SLC6A16: variants seen among roughly 807,000 people sequenced by gnomAD.
SLC6A16 encodes the protein solute carrier family 6 member 16.
A neutral mutation model predicts 65.4 loss-of-function variants in SLC6A16; 54 were observed. The observed-to-expected ratio is 0.83, with a 90% CI of 0.66 to 1.04. SLC6A16 has a LOEUF of 1.04. Ranked by LOEUF, SLC6A16 falls within the 50% of genes least tolerant of loss-of-function variation. The probability of loss-of-function intolerance (pLI) is 0.00; values close to 1 mark genes in which losing one functional copy is unlikely to be tolerated. For synonymous variants in SLC6A16, 330 were observed against 346.5 expected (o/e 0.95, Z 0.53); for missense variants, 816 against 914.0 (o/e 0.89, Z 1.38).
the SLC6A16 span, chr19:49,339,260 G>T: frequency 9.7e-6 from 14 of 1,437,802 alleles, no homozygotes; most frequent in Admixed American, 3.5e-5. The surrounding 1 kb of genome is among the most constrained non-coding windows in gnomAD (Gnocchi z 4.5). Context: ...GGGTTGGCCT[G>T]AAAAGAACGC....
At chr19:49,295,507 T>G (rs556982283) in intron 7 of SLC6A16, among the ~76,000 whole-genome samples, 2 of 152,224 alleles carry the variant, frequency 1.3e-5, no homozygotes, top group African/African-American at 2.4e-5. Flanking sequence ...TACTATATGC[T>G]ATTCCAGTAA....
the SLC6A16 span, chr19:49,338,978 G>A: frequency 4.0e-6 from 6 of 1,495,022 alleles, no homozygotes; most frequent in East Asian, 1.4e-4. This position sits in a 1 kb window ranked among gnomAD's most constrained non-coding sequence, Gnocchi z 5.0. Flanking sequence ...AATGGGGCGG[G>A]GCCTGCGGGA....
chr19:49,336,860 C>T, the SLC6A16 span: 1 of 1,602,672 alleles, frequency 6.2e-7, no homozygotes, highest in Non-Finnish European at 8.5e-7. Context: ...AATGGGGCTG[C>T]CTGGAGCTGT....
At chr19:49,317,372 T>A (rs59430950) in intron 1 of SLC6A16, among the ~76,000 whole-genome samples, 3,384 of 151,516 alleles carry the variant, frequency 0.022, 126 homozygotes, top group African/African-American at 0.071. Context: ...AAAATAAAAT[T>A]AATTAATTAA....
chr19:49,340,152 T>G, the SLC6A16 span: 3 of 1,140,198 alleles, frequency 2.6e-6, no homozygotes, highest in Non-Finnish European at 3.7e-6. Flanking sequence ...TCCCGCCCAA[T>G]TCACGGCCCC....
intron 7 of SLC6A16, among the ~76,000 whole-genome samples, chr19:49,296,714 C>T (rs955149204): frequency 5.3e-5 from 8 of 152,016 alleles, no homozygotes; most frequent in African/African-American, 9.7e-5. Flanking sequence ...CTTGGCCAGG[C>T]GCGGTGGCTC....
At chr19:49,337,479 G>C in the SLC6A16 span, 2 of 611,726 alleles carry the variant, frequency 3.3e-6, no homozygotes, top group Non-Finnish European at 5.4e-6. Flanking sequence ...AAAAAAATCC[G>C]GGTGTGATGG....
At chr19:49,339,013 G>A in the SLC6A16 span, 1 of 1,201,732 alleles carries the variant, frequency 8.3e-7, no homozygotes, top group Non-Finnish European at 1.2e-6. The surrounding 1 kb of genome is among the most constrained non-coding windows in gnomAD (Gnocchi z 4.5). Flanking sequence ...AGTGAGTAGC[G>A]GCCTGAGAAA....
At chr19:49,337,607 T>G in the SLC6A16 span, 1 of 1,452,412 alleles carries the variant, frequency 6.9e-7, no homozygotes, top group Non-Finnish European at 9.1e-7. Context: ...AGACCCTGTC[T>G]CAAAAAATAA....
intron 1 of SLC6A16, among the ~76,000 whole-genome samples, chr19:49,313,431 G>C (rs961327356): frequency 6.6e-6 from 1 of 151,974 alleles, no homozygotes; most frequent in Non-Finnish European, 1.5e-5. Flanking sequence ...TCCAGAGTAG[G>C]TGGCATTACA....
chr19:49,302,125 C>T (rs1274500739), intron 7 of SLC6A16, among the ~76,000 whole-genome samples: 1 of 152,204 alleles, frequency 6.6e-6, no homozygotes, highest in African/African-American at 2.4e-5. Flanking sequence ...CCTTAGTCAA[C>T]CCCAGCCCCT....
At chr19:49,329,934 G>A (rs563499064), upstream of SLC6A16, among the ~76,000 whole-genome samples, 1 of 151,946 alleles carries the variant, frequency 6.6e-6, no homozygotes, top group Non-Finnish European at 1.5e-5. Context: ...TGCCCAGCCC[G>A]GCCTTGTCTC....
At chr19:49,326,062 C>G (rs1052968136), upstream of SLC6A16, among the ~76,000 whole-genome samples, 1 of 151,102 alleles carries the variant, frequency 6.6e-6, no homozygotes, top group Non-Finnish European at 1.5e-5. Flanking sequence ...CCCAGCTACT[C>G]GGGAGCCTGA....
At chr19:49,319,810 G>A (rs1970679810) in intron 1 of SLC6A16, among the ~76,000 whole-genome samples, 1 of 152,006 alleles carries the variant, frequency 6.6e-6, no homozygotes, top group Admixed American at 6.6e-5. Flanking sequence ...CCACAAATTT[G>A]TAGGCCACAA....
chr19:49,324,957 G>A lies in SLC6A16; in HGVS notation c.-65+91C>T, dbSNP rs571307163. 1.2e-4 allele frequency: 92 copies of A among 799,366 alleles called. No individual in the cohort carries two copies. In the East Asian group the frequency reaches 8.4e-3, roughly 73 times the overall value. 49.5% of individuals were successfully genotyped at this position (799,366 alleles called of 1,614,324 possible). A position where few individuals can be genotyped will look rare whatever the true frequency, so the allele number is the denominator to read the frequency against. On this transcript the variant is annotated intron_variant, in intron 1 of 11. Coordinates refer to ENST00000335875, the MANE Select transcript of SLC6A16 (RefSeq NM_014037.3). ...CAGTCACCTGTCACCCGTCAGTGGAGCCCAGTGGGCCCGGGCCTCGAAAAT... is the reference window on the plus strand; with the variant it reads ...CAGTCACCTGTCACCCGTCAGTGGAACCCAGTGGGCCCGGGCCTCGAAAAT...
intron 7 of SLC6A16, among the ~76,000 whole-genome samples, chr19:49,298,991 A>G (rs1970233871): frequency 6.6e-6 from 1 of 152,216 alleles, no homozygotes; most frequent in African/African-American, 2.4e-5. Context: ...TCACACCTGT[A>G]ATCCCAGCAT....
At chr19:49,332,308 G>C in the SLC6A16 span, 3 of 456,454 alleles carry the variant, frequency 6.6e-6, no homozygotes, top group South Asian at 4.6e-5. Context: ...TGTAATCCCA[G>C]AACTTTGGGA....
intron 1 of SLC6A16, among the ~76,000 whole-genome samples, chr19:49,314,243 TAAAGA>T (rs1970579959): frequency 6.6e-6 from 1 of 151,788 alleles, no homozygotes; most frequent in African/African-American, 2.4e-5. Context: ...AACATCAAAA[TAAAGA>T]ATAGTAACAG....
At chr19:49,334,448 C>G in the SLC6A16 span, among the ~76,000 whole-genome samples, 14 of 152,224 alleles carry the variant, frequency 9.2e-5, no homozygotes, top group Non-Finnish European at 1.3e-4. Context: ...GATCGCACTA[C>G]TGCATTCCAG....
Sources: gnomAD v4.1 joint callset for allele counts (sites outside exome capture counted in the v4.1 genomes callset) on GRCh38, gnomAD v4.1.1 for gene constraint, Gnocchi (gnomAD v3.1) non-coding constraint, MANE v1.5 for transcripts, NCBI Gene and HGNC (gene_info 2026-07-23, HGNC 2026-07-21) for gene names.